The following PTN variants were observed in gnomAD, a reference collection of about 807,000 sequenced individuals.
PTN encodes the protein heparin affin regulatory protein.
PTN carries 18 observed loss-of-function variants against 24.1 expected under a neutral mutation model. The ratio of observed to expected loss-of-function variants is 0.75; its 90% CI spans 0.52 to 1.11. The LOEUF is 1.11. Among genes scored for constraint, PTN ranks in the 50% least tolerant of loss-of-function variants. The probability of loss-of-function intolerance (pLI) is 0.00; values close to 1 mark genes in which losing one functional copy is unlikely to be tolerated. For missense variants in PTN, 163 were observed against 198.8 expected (o/e 0.82, Z 1.08); for synonymous variants, 78 against 68.6 (o/e 1.14, Z -0.67).
chr7:137,236,300 G>T lies in PTN; in HGVS notation c.452-8225C>A. 3 of 701,442 alleles carry T rather than the reference G, an allele frequency of 4.3e-6. No homozygotes were observed. The East Asian group carries it at 8.1e-5, about 19-fold the overall frequency. 43.5% of individuals were successfully genotyped at this position (701,442 alleles called of 1,614,324 possible). A position where few individuals can be genotyped will look rare whatever the true frequency, so the allele number is the denominator to read the frequency against. On this transcript the variant is annotated intron_variant, in intron 4 of 4. Transcript: ENST00000348225. ...TCCAAATCATAAAGGGCCCATTCAG[G>T]ATGCACTTTCTTTACACAGTAGAGT...
intron 1 of PTN, among the ~76,000 whole-genome samples, chr7:137,284,316 C>G (rs962077710): frequency 8.6e-5 from 13 of 152,000 alleles, no homozygotes; most frequent in Non-Finnish European, 1.9e-4. Flanking sequence ...TCAGGAAGAC[C>G]CTTCCCGGTC....
intron 1 of PTN, among the ~76,000 whole-genome samples, chr7:137,300,560 G>A (rs188466432): frequency 2.1e-4 from 32 of 151,892 alleles, no homozygotes; most frequent in African/African-American, 6.8e-4. Context: ...GTGAGTTAGG[G>A]AGTTTTTCAG....
chr7:137,311,231 CAAAAAAA>C (rs35319700), intron 1 of PTN, among the ~76,000 whole-genome samples: 56 of 101,610 alleles, frequency 5.5e-4, no homozygotes, highest in African/African-American at 1.7e-3. Flanking sequence ...GACTCCATTT[CAAAAAAA>C]AAAAAAAAAA....
Position 137,333,855 on chromosome 7 carries a change from C to T in PTN, c.-2+9584G>A, listed in dbSNP as rs559089726. Among the ~76,000 whole-genome samples the T allele has an allele frequency of 1.7e-4, 26 of 151,932 alleles. No individual in the cohort carries two copies. In the East Asian group the frequency reaches 2.3e-3, roughly 14 times the overall value. On this transcript the variant is annotated intron_variant, in intron 1 of 4. Coordinates refer to ENST00000348225, the MANE Select transcript of PTN (RefSeq NM_002825.7). The stretch of plus-strand genomic sequence containing the variant: ...GTACCAAAACAGAGATATAGATCAA[C>T]GGAACAGAACAGAGCCCTCAGAAAT...
At position 137,309,348 on chromosome 7, in the gene PTN, G is replaced by T. The variant is rs181327293; in HGVS notation, c.-2+34091C>A. Among the ~76,000 whole-genome samples, 26 of 152,278 alleles carry T rather than the reference G, an allele frequency of 1.7e-4. No individual in the cohort carries two copies. In the East Asian group the frequency reaches 4.4e-3, roughly 26 times the overall value. On this transcript the variant is annotated intron_variant, in intron 1 of 4. Transcript: ENST00000348225. Reference sequence around the variant, plus strand: ...GCCTTCAATGAGACATGATCATTTTGCTAGCAGAGGGTCTTGCCTAGATGT... The same window carrying T: ...GCCTTCAATGAGACATGATCATTTTTCTAGCAGAGGGTCTTGCCTAGATGT...
At chr7:137,241,280 T>C (rs1020174829) in intron 4 of PTN, among the ~76,000 whole-genome samples, 2 of 152,190 alleles carry the variant, frequency 1.3e-5, no homozygotes, top group African/African-American at 4.8e-5. Flanking sequence ...ATTATCTAAA[T>C]TCTCTATAGC....
intron 1 of PTN, among the ~76,000 whole-genome samples, chr7:137,268,158 G>C (rs1220138617): frequency 1.3e-5 from 2 of 151,984 alleles, no homozygotes; most frequent in African/African-American, 4.8e-5. Context: ...TCCTCCACGG[G>C]GGCCTGCCAC....
At chr7:137,293,967 T>C (rs1421881211) in intron 1 of PTN, among the ~76,000 whole-genome samples, 1 of 152,020 alleles carries the variant, frequency 6.6e-6, no homozygotes, top group Non-Finnish European at 1.5e-5. Context: ...AAGGAAAAAA[T>C]GTTTTGATAT....
chr7:137,309,876 C>A (rs1476589008), intron 1 of PTN, among the ~76,000 whole-genome samples: 1 of 152,156 alleles, frequency 6.6e-6, no homozygotes, highest in African/African-American at 2.4e-5. Flanking sequence ...TTCTTCCAAA[C>A]TTTTGCTAAT....
intron 1 of PTN, among the ~76,000 whole-genome samples, chr7:137,313,314 G>A (rs1474617188): frequency 3.9e-5 from 6 of 152,114 alleles, no homozygotes; most frequent in African/African-American, 1.4e-4. Context: ...ACATTTCCCA[G>A]CCTCACTCAC....
chr7:137,277,896 TAGATGA>T (rs1430269010), intron 1 of PTN, among the ~76,000 whole-genome samples: 2 of 18,628 alleles, frequency 1.1e-4, no homozygotes, highest in African/African-American at 2.7e-4. Flanking sequence ...GATAGATAGA[TAGATGA>T]GATGATAGAT....
chr7:137,277,586 T>G (rs1809381631), intron 1 of PTN, among the ~76,000 whole-genome samples: 1 of 152,136 alleles, frequency 6.6e-6, no homozygotes, highest in African/African-American at 2.4e-5. Flanking sequence ...AAAAAATTTT[T>G]TGAGACAAGG....
At chr7:137,297,379 A>C (rs1188236389) in intron 1 of PTN, among the ~76,000 whole-genome samples, 2 of 152,128 alleles carry the variant, frequency 1.3e-5, no homozygotes, top group East Asian at 3.9e-4. Flanking sequence ...CAGCACTGGA[A>C]GATGAGTCCC....
At chr7:137,231,719 A>T (rs1211587791) in intron 4 of PTN, among the ~76,000 whole-genome samples, 2 of 151,970 alleles carry the variant, frequency 1.3e-5, no homozygotes, top group East Asian at 3.9e-4. Flanking sequence ...TTTCTCAAGG[A>T]AAGTAAGGAG....
At chr7:137,291,481 C>T (rs1809638018) in intron 1 of PTN, among the ~76,000 whole-genome samples, 1 of 152,102 alleles carries the variant, frequency 6.6e-6, no homozygotes, top group South Asian at 2.1e-4. Context: ...CTCACATCTT[C>T]ATCAAATCAC....
intron 1 of PTN, among the ~76,000 whole-genome samples, chr7:137,305,316 G>C (rs1235366370): frequency 6.6e-6 from 1 of 151,870 alleles, no homozygotes; most frequent in Non-Finnish European, 1.5e-5. Flanking sequence ...ATGAATGCTG[G>C]CTCTGAGATT....
intron 1 of PTN, among the ~76,000 whole-genome samples, chr7:137,331,841 C>T (rs971841824): frequency 6.6e-6 from 1 of 152,176 alleles, no homozygotes; most frequent in Admixed American, 6.5e-5. Context: ...GTGTACTCAG[C>T]TTGACCTTTA....
chr7:137,247,275 T>C lies in PTN; in HGVS notation c.451+3955A>G, dbSNP rs978472844. Among the ~76,000 whole-genome samples the C allele has an allele frequency of 2.0e-5, 3 of 152,182 alleles. No homozygotes were observed. The East Asian group carries it at 5.8e-4, about 29-fold the overall frequency. Reference sequence around the variant, plus strand: ...GATTTGGAAGCAACGTAAGTGGCCATCAACGGATGAACAGATAAAGAAAAT... The same window carrying C: ...GATTTGGAAGCAACGTAAGTGGCCACCAACGGATGAACAGATAAAGAAAAT... On this transcript the variant is annotated intron_variant, in intron 4 of 4. Transcript: ENST00000348225.
chr7:137,332,131 T>C (rs930483686), intron 1 of PTN, among the ~76,000 whole-genome samples: 6 of 152,218 alleles, frequency 3.9e-5, no homozygotes, highest in African/African-American at 1.4e-4. Context: ...TGTTAAAACA[T>C]ATTGCATGCA....
Sources: allele counts gnomAD v4.1 joint callset (sites outside exome capture counted in the v4.1 genomes callset), GRCh38; gene constraint gnomAD v4.1.1; transcripts MANE v1.5; gene names NCBI Gene and HGNC (gene_info 2026-07-23, HGNC 2026-07-21).